ATG14: variants seen among roughly 807,000 people sequenced by gnomAD.
ATG14 encodes autophagy related 14.
ATG14 carries 35 observed loss-of-function variants against 60.4 expected under a neutral mutation model. The observed-to-expected ratio is 0.58, with a 90% confidence interval of 0.44 to 0.77. ATG14 has a LOEUF of 0.77. Among genes scored for constraint, ATG14 ranks in the 30% least tolerant of loss-of-function variants. ATG14 has a pLI of 0.00. For missense variants in ATG14, 647 were observed against 626.3 expected, an observed-to-expected ratio of 1.03 and a Z score of -0.35; for synonymous variants, 234 against 228.8, an observed-to-expected ratio of 1.02 and a Z score of -0.21.
chr14:55,396,660 G>T (rs1010338466), intron 2 of ATG14, among the ~76,000 whole-genome samples: 1 of 152,180 alleles, frequency 6.6e-6, no homozygotes, highest in East Asian at 1.9e-4. Flanking sequence ...GTTGGGCAGG[G>T]CGTGCTCAGA....
Position 55,392,692 on chromosome 14 carries a change from A to G in ATG14, c.328-1700T>C, listed in dbSNP as rs532435318. On this transcript the variant is annotated intron_variant, in intron 3 of 9. Transcript: ENST00000247178. ...AGAAGGATCTACTAGTTAGTTAAAA[A>G]GAATGATTATTCTCTAATGACTCCG... Among the ~76,000 whole-genome samples the G allele has an allele frequency of 2.5e-4, 38 of 152,230 alleles. 1 individual carries two copies. The South Asian group carries it at 7.7e-3, about 31-fold the overall frequency.
At chr14:55,384,966 TG>T (rs760056710) in intron 5 of ATG14, among the ~76,000 whole-genome samples, 1 of 152,192 alleles carries the variant, frequency 6.6e-6, no homozygotes, top group Non-Finnish European at 1.5e-5. Flanking sequence ...AACAGCCAGA[TG>T]GGGGAACCAC....
At position 55,367,371 on chromosome 14, in the gene ATG14, G is replaced by A. The variant is rs567730534; in HGVS notation, c.*2248C>T. 6.6e-6 allele frequency: 1 copy of A among 152,340 alleles called. No individual in the cohort carries two copies. Among genetic ancestry groups the A allele is most frequent in the South Asian group, 2.1e-4 (1 of 4,826 alleles). 9.4% of individuals were successfully genotyped at this position (152,340 alleles called of 1,614,324 possible). Reference sequence around the variant, plus strand: ...CCATCTTCACTCTCTACGAACTCCAGAACTGGATGGGAAAATGGAAGCCCA... The same window carrying A: ...CCATCTTCACTCTCTACGAACTCCAAAACTGGATGGGAAAATGGAAGCCCA... On this transcript the variant is annotated 3_prime_UTR_variant, in exon 10 of 10. Transcript: ENST00000247178.
intron 1 of ATG14, among the ~76,000 whole-genome samples, chr14:55,406,773 G>T (rs183521325): frequency 1.3e-5 from 2 of 152,284 alleles, no homozygotes; most frequent in Non-Finnish European, 2.9e-5. Flanking sequence ...GGAGAGTTAG[G>T]TGAAGCTGAC....
At chr14:55,377,113 G>A (rs1241285644) in intron 9 of ATG14, among the ~76,000 whole-genome samples, 2 of 152,188 alleles carry the variant, frequency 1.3e-5, no homozygotes, top group Admixed American at 6.5e-5. Context: ...TTGGGAAGCC[G>A]AAGCGGGTGG....
At chr14:55,380,875 A>ATATATATATATAT (rs377330757) in intron 6 of ATG14, among the ~76,000 whole-genome samples, 185 bp from the exon 7 acceptor site, 14 of 112,710 alleles carry the variant, frequency 1.2e-4, no homozygotes, top group African/African-American at 4.6e-4. Context: ...ATATATATAT[A>ATATATATATATAT]TTTTTTTTTT....
At chr14:55,391,082 T>A in intron 3 of ATG14, 90 bp from the exon 4 acceptor site, 6 of 837,648 alleles carry the variant, frequency 7.2e-6, no homozygotes, top group Non-Finnish European at 9.3e-6. Context: ...TTTTCAGATA[T>A]GTCAGAAAAC....
chr14:55,393,727 C>T (rs1276513230), intron 3 of ATG14, among the ~76,000 whole-genome samples: 2 of 151,610 alleles, frequency 1.3e-5, no homozygotes, highest in African/African-American at 2.4e-5. Flanking sequence ...GGTTTTTGTT[C>T]GTTTTTGTAG....
chr14:55,377,348 A>C (rs1048818543), intron 9 of ATG14, among the ~76,000 whole-genome samples: 25 of 148,782 alleles, frequency 1.7e-4, no homozygotes, highest in African/African-American at 6.2e-4. Context: ...ACCCCATCTC[A>C]AAAAAAAAAG....
chr14:55,403,627 T>C (rs1255463838), intron 1 of ATG14, among the ~76,000 whole-genome samples: 4 of 152,106 alleles, frequency 2.6e-5, no homozygotes, highest in Non-Finnish European at 4.4e-5. Context: ...AGGAATAATA[T>C]TGTGTACCGG....
At chr14:55,381,118 A>G (rs1376142806) in intron 6 of ATG14, among the ~76,000 whole-genome samples, 1 of 151,726 alleles carries the variant, frequency 6.6e-6, no homozygotes, top group African/African-American at 2.4e-5. Flanking sequence ...CATGGCACCC[A>G]CTCAATGTAC....
intron 3 of ATG14, among the ~76,000 whole-genome samples, chr14:55,392,611 G>A (rs1474028827): frequency 2.0e-5 from 3 of 148,504 alleles, no homozygotes; most frequent in Admixed American, 6.7e-5. Flanking sequence ...ATTGTGCCAC[G>A]GCACTCCAGC....
chr14:55,392,973 T>C (rs1702262642), intron 3 of ATG14, among the ~76,000 whole-genome samples: 1 of 152,170 alleles, frequency 6.6e-6, no homozygotes, highest in South Asian at 2.1e-4. Context: ...AAGTCTTAGA[T>C]AGAAAAACTA....
At chr14:55,370,078 T>C (rs1290599014) in intron 9 of ATG14, among the ~76,000 whole-genome samples, 153 bp from the exon 10 acceptor site, 1 of 152,226 alleles carries the variant, frequency 6.6e-6, no homozygotes, top group African/African-American at 2.4e-5. Context: ...TGTTGACATA[T>C]GATTGCGTTT....
At position 55,367,393 on chromosome 14, in the gene ATG14, C is replaced by T. The variant is rs994853671; in HGVS notation, c.*2226G>A. ...CCAGAACTGGATGGGAAAATGGAAG[C>T]CCAGCAATCAATCATGAAGCTGAGC... On this transcript the variant is annotated 3_prime_UTR_variant, in exon 10 of 10. Coordinates refer to ENST00000247178, the MANE Select transcript of ATG14 (RefSeq NM_014924.5). 2 of 152,196 alleles carry T rather than the reference C, an allele frequency of 1.3e-5. No individual in the cohort carries two copies. Among genetic ancestry groups the T allele is most frequent in the African/African-American group, 4.8e-5 (2 of 41,440 alleles). The allele number at this position is 152,196 out of a possible 1,614,324, so 9.4% of individuals were successfully genotyped here. A position where few individuals can be genotyped will look rare whatever the true frequency, so the allele number is the denominator to read the frequency against.
At chr14:55,380,789 T>A (rs1455785326) in intron 6 of ATG14, 99 bp from the exon 7 acceptor site, 3 of 708,956 alleles carry the variant, frequency 4.2e-6, no homozygotes, top group Non-Finnish European at 6.7e-6. Context: ...ATGATAGCAC[T>A]GTTACGTTTT....
rs1566585833 is a variant in ATG14 at position 55,402,970 on chromosome 14, A to ATATATATATAT, written c.222-5537_222-5536insATATATATATA. Among the ~76,000 whole-genome samples, 66 of 69,462 alleles carry ATATATATATAT rather than the reference A, an allele frequency of 9.5e-4. 1 individual carries two copies. The highest frequency in any genetic ancestry group is 1.7e-3 in the Non-Finnish European group (59 of 33,796). The allele number at this position is 69,462 out of a possible 152,430, so 45.6% of individuals were successfully genotyped here. A position where few individuals can be genotyped will look rare whatever the true frequency, so the allele number is the denominator to read the frequency against. On this transcript the variant is annotated intron_variant, in intron 1 of 9. Transcript: ENST00000247178. ...ATATATATATATATATATATATATAAATAGCTGGGCATAGTGGTGCATGGC... is the reference window on the plus strand; with the variant it reads ...ATATATATATATATATATATATATAATATATATATATATAGCTGGGCATAGTGGTGCATGGC...
rs537598715 is a variant in ATG14 at position 55,374,130 on chromosome 14, C to T, written c.1172+3689G>A. ...CCTCAACTACCAGCAACGCTGGATT[C>T]ATCGAGCCTTCCTATTTTTGTCAAA... On this transcript the variant is annotated intron_variant, in intron 9 of 9. Coordinates refer to ENST00000247178, the MANE Select transcript of ATG14 (RefSeq NM_014924.5). Among the ~76,000 whole-genome samples, 2 of 152,362 alleles carry T rather than the reference C, an allele frequency of 1.3e-5. 1 individual carries two copies. The highest frequency in any genetic ancestry group is 4.8e-5 in the African/African-American group (2 of 41,598).
chr14:55,402,189 T>C (rs1457187202), intron 1 of ATG14, among the ~76,000 whole-genome samples: 1 of 152,190 alleles, frequency 6.6e-6, no homozygotes, highest in Non-Finnish European at 1.5e-5. Flanking sequence ...GCACTTACTA[T>C]GTCCCAAGCA....
Sources: allele counts gnomAD v4.1 joint callset (sites outside exome capture counted in the v4.1 genomes callset), GRCh38; gene constraint gnomAD v4.1.1; transcripts MANE v1.5; gene names NCBI Gene and HGNC (gene_info 2026-07-23, HGNC 2026-07-21).